TMTC1: variants seen among roughly 807,000 people sequenced by gnomAD.
TMTC1 encodes the protein protein O-mannosyl-transferase TMTC1.
Under a neutral mutation model 104.8 loss-of-function variants are expected in TMTC1, and 73 were observed. The ratio of observed to expected loss-of-function variants is 0.70; its 90% CI spans 0.58 to 0.85. The LOEUF (loss-of-function observed/expected upper bound fraction) is 0.85. TMTC1 is among the 40% of genes least tolerant of loss of function. TMTC1 has a pLI of 0.00. For missense variants in TMTC1, 1,035 were observed against 1,096.1 expected (o/e 0.94, Z 0.79); for synonymous variants, 434 against 428.7 (o/e 1.01, Z -0.15).
chr12:29,635,900 A>C (rs1468074091), intron 5 of TMTC1, among the ~76,000 whole-genome samples: 1 of 152,228 alleles, frequency 6.6e-6, no homozygotes, highest in African/African-American at 2.4e-5. Context: ...CTTCAGAGAC[A>C]TATCAAGCAA....
intron 5 of TMTC1, among the ~76,000 whole-genome samples, chr12:29,643,732 A>ATATTTATTATAATATAAATATATATAT (rs1555180826): frequency 3.9e-5 from 1 of 25,788 alleles, no homozygotes; most frequent in Non-Finnish European, 6.6e-5. Flanking sequence ...ATAAATATAT[A>ATATTTATTATAATATAAATATATATAT]TTATAATAAA....
At chr12:29,567,177 T>C (rs1945539645) in intron 9 of TMTC1, among the ~76,000 whole-genome samples, 1 of 152,232 alleles carries the variant, frequency 6.6e-6, no homozygotes, top group Non-Finnish European at 1.5e-5. Context: ...TCCTTTCTTC[T>C]GCTGCCCTGG....
At chr12:29,603,454 T>C (rs1195014554) in intron 7 of TMTC1, among the ~76,000 whole-genome samples, 2 of 152,082 alleles carry the variant, frequency 1.3e-5, no homozygotes, top group African/African-American at 4.8e-5. Context: ...AAATCTCTAT[T>C]GTAAAAATGA....
intron 5 of TMTC1, among the ~76,000 whole-genome samples, chr12:29,675,606 AC>A (rs1940694125): frequency 1.5e-5 from 1 of 64,876 alleles, no homozygotes; most frequent in African/African-American, 1.0e-4. Flanking sequence ...ACACACACAC[AC>A]ACACACACAC....
chr12:29,547,488 T>C (rs753880496), intron 10 of TMTC1, among the ~76,000 whole-genome samples: 11 of 152,214 alleles, frequency 7.2e-5, no homozygotes, highest in Admixed American at 3.9e-4. Context: ...AGTAAGTACA[T>C]AGACATTCTC....
intron 5 of TMTC1, among the ~76,000 whole-genome samples, chr12:29,704,051 A>G (rs1220792630): frequency 1.3e-5 from 2 of 152,132 alleles, no homozygotes; most frequent in Non-Finnish European, 2.9e-5. Flanking sequence ...TTTATAAATT[A>G]CCCAGTCCCG....
At chr12:29,758,916 T>C in intron 2 of TMTC1, 139 bp from the exon 3 acceptor site, 1 of 718,234 alleles carries the variant, frequency 1.4e-6, no homozygotes, top group Non-Finnish European at 2.2e-6. Flanking sequence ...GTTCTTCAAG[T>C]TCTGATATAT....
intron 5 of TMTC1, among the ~76,000 whole-genome samples, chr12:29,673,048 C>G (rs1447327566): frequency 6.6e-6 from 1 of 152,112 alleles, no homozygotes; most frequent in South Asian, 2.1e-4. Flanking sequence ...CATTGCTGCA[C>G]TATATTGGCA....
At chr12:29,616,989 A>C (rs1423303626) in intron 6 of TMTC1, among the ~76,000 whole-genome samples, 1 of 152,160 alleles carries the variant, frequency 6.6e-6, no homozygotes, top group Admixed American at 6.5e-5. Context: ...ATATTGTTTG[A>C]ACCAATGAGT....
intron 6 of TMTC1, among the ~76,000 whole-genome samples, chr12:29,605,780 G>A (rs73268003): frequency 0.015 from 2,292 of 152,202 alleles, 36 homozygotes; most frequent in African/African-American, 0.04. Flanking sequence ...GTGTGATGCT[G>A]AGGCTTGGGC....
chr12:29,751,833 G>C lies in TMTC1; in HGVS notation c.771C>G (p.Pro257=), dbSNP rs369978386. The C allele has an allele frequency of 6.3e-7, 1 of 1,591,848 alleles. No homozygotes were observed. The change falls in exon 5 of 18, where the codon CCC becomes CCG. Residue 257 remains proline (P), a synonymous_variant. Transcript: ENST00000539277. The part of the protein sequence containing the change: ...GALCPRSPQQ[P]GSPQPSSLPG... ...GCAGTGAGGAGGGCTGGGGGCTCCC[G>C]GGCTGCTGTGGGCTGCGTGGACAGA...
rs1945260479 is a variant in TMTC1 at position 29,556,918 on chromosome 12, T to A, written c.1615A>T (p.Arg539Trp). The change falls in exon 10 of 18, where the codon AGG becomes TGG. Residue 539 changes from arginine (R) to tryptophan (W), a missense_variant. Transcript: ENST00000539277. Reference sequence around the variant, plus strand: ...TGCTGTGGATGGAGCTGGAGAGCCCTCTGATAGTACATCTTTGCCTCTGCT... The same window carrying A: ...TGCTGTGGATGGAGCTGGAGAGCCCACTGATAGTACATCTTTGCCTCTGCT... ...DTAEAKMYYQ[R>W]ALQLHPQHNR... is the part of the protein sequence containing the mutation. 6.2e-7 allele frequency: 1 copy of A among 1,614,084 alleles called. No homozygotes were observed. Among genetic ancestry groups the A allele is most frequent in the African/African-American group, 1.3e-5 (1 of 75,040 alleles).
intron 5 of TMTC1, among the ~76,000 whole-genome samples, chr12:29,701,591 C>G (rs1941595771): frequency 6.6e-6 from 1 of 152,182 alleles, no homozygotes; most frequent in Non-Finnish European, 1.5e-5. Context: ...CTCTTTTATC[C>G]TCACTAGCTT....
chr12:29,686,678 ACCCTGG>A lies in TMTC1; in HGVS notation c.939-53348_939-53343del, dbSNP rs148882108. ...TCCATTTCCCACATCAAGCTATCTCACCCTGGACTGGGCTTTTCTCAATTTCAACTC... is the reference window on the plus strand; with the variant it reads ...TCCATTTCCCACATCAAGCTATCTCAACTGGGCTTTTCTCAATTTCAACTC... On this transcript the variant is annotated intron_variant, in intron 5 of 17. Coordinates refer to ENST00000539277, the MANE Select transcript of TMTC1 (RefSeq NM_001193451.2). Among the ~76,000 whole-genome samples the A allele has an allele frequency of 7.1e-3, 1,088 of 152,250 alleles. 13 individuals carry two copies. Among genetic ancestry groups the A allele is most frequent in the African/African-American group, 0.025 (1,039 of 41,530 alleles).
At chr12:29,686,015 A>G (rs1941081300) in intron 5 of TMTC1, among the ~76,000 whole-genome samples, 1 of 151,974 alleles carries the variant, frequency 6.6e-6, no homozygotes, top group African/African-American at 2.4e-5. Flanking sequence ...CCCACACTCA[A>G]CAGTTTTTAA....
chr12:29,746,267 A>G (rs1942953500), intron 5 of TMTC1, among the ~76,000 whole-genome samples: 1 of 152,222 alleles, frequency 6.6e-6, no homozygotes, highest in Admixed American at 6.5e-5. Flanking sequence ...TTTTGAAAGC[A>G]GCAGCTGAAT....
intron 5 of TMTC1, among the ~76,000 whole-genome samples, chr12:29,725,014 C>CTTTTTTTT (rs869135481): frequency 1.1e-5 from 1 of 90,400 alleles, no homozygotes; most frequent in Non-Finnish European, 2.0e-5. Context: ...CTGCCAAGTT[C>CTTTTTTTT]TTTTTTTTTT....
chr12:29,611,756 G>T (rs1451126572), intron 6 of TMTC1, among the ~76,000 whole-genome samples: 1 of 152,202 alleles, frequency 6.6e-6, no homozygotes, highest in African/African-American at 2.4e-5. Flanking sequence ...ATCTTTGAAA[G>T]TCTGGTTTAA....
At chr12:29,647,620 A>G (rs1412492278) in intron 5 of TMTC1, among the ~76,000 whole-genome samples, 1 of 152,092 alleles carries the variant, frequency 6.6e-6, no homozygotes, top group Non-Finnish European at 1.5e-5. Context: ...AACGTGGAAG[A>G]TGTTGCGTTC....
Sources: allele counts gnomAD v4.1 joint callset (sites outside exome capture counted in the v4.1 genomes callset), GRCh38; gene constraint gnomAD v4.1.1; transcripts MANE v1.5; gene names NCBI Gene and HGNC (gene_info 2026-07-23, HGNC 2026-07-21).